The following TTBK2 variants were observed in gnomAD, a reference collection of about 807,000 sequenced individuals.
TTBK2 encodes the protein tau-tubulin kinase 2.
TTBK2 carries 28 observed loss-of-function variants against 110.8 expected under a neutral mutation model. The ratio of observed to expected loss-of-function variants is 0.25; its 90% CI spans 0.19 to 0.35. The LOEUF (loss-of-function observed/expected upper bound fraction) is 0.35, where lower values mean the gene tolerates loss of function less well. TTBK2 is among the 10% of genes least tolerant of loss of function. The pLI is 1.00. For synonymous variants in TTBK2, 532 were observed against 527.3 expected (o/e 1.01, Z -0.12); for missense variants, 1,369 against 1,500.3 (o/e 0.91, Z 1.45).
intron 1 of TTBK2, chr15:42,919,883 C>G (rs2141229810): frequency 1.1e-6 from 1 of 906,472 alleles, no homozygotes; most frequent in African/African-American, 1.8e-5. Context: ...GTCCCTCCCA[C>G]AGCATCCCAG....
At chr15:42,850,407 G>A (rs1399799443) in intron 3 of TTBK2, among the ~76,000 whole-genome samples, 1 of 152,066 alleles carries the variant, frequency 6.6e-6, no homozygotes, top group Non-Finnish European at 1.5e-5. Context: ...TGGTTCAATG[G>A]TACTTTGAAT....
At chr15:42,874,466 AC>A in intron 2 of TTBK2, among the ~76,000 whole-genome samples, 1 of 151,684 alleles carries the variant, frequency 6.6e-6, no homozygotes, top group Admixed American at 6.6e-5. Context: ...ACAGGTGTGC[AC>A]CACCACGCTT....
intron 10 of TTBK2, among the ~76,000 whole-genome samples, chr15:42,786,572 C>T (rs1890423406): frequency 1.3e-5 from 2 of 152,110 alleles, no homozygotes; most frequent in South Asian, 4.1e-4. Flanking sequence ...ACCTCAATTC[C>T]TTTGCATTTC....
In TTBK2 at chr15:42,775,300, C is replaced by T. The variant is rs1889860453; in HGVS notation, c.1833G>A (p.Lys611=). ...GTGCTAAGACCACACCTGAGGTTTC[C>T]TTCTTTAAATGATCATTTTCTGCCC... The part of the protein sequence containing the change: ...GPWAENDHLK[K]ETSGVVLALS... The change falls in exon 13 of 15, where the codon AAG becomes AAA. Residue 611 remains lysine (K), a synonymous_variant. Transcript: ENST00000267890. 2 of 1,614,140 alleles carry T rather than the reference C, an allele frequency of 1.2e-6. No homozygotes were observed. Among genetic ancestry groups the T allele is most frequent in the East Asian group, 2.2e-5 (1 of 44,886 alleles).
intron 8 of TTBK2, 92 bp downstream of exon 8, chr15:42,811,596 C>T: frequency 1.0e-6 from 1 of 975,460 alleles, no homozygotes; most frequent in Non-Finnish European, 1.6e-6. Flanking sequence ...GATTTTAAGT[C>T]TTATACATAA....
chr15:42,770,567 A>C (rs1889625477), intron 13 of TTBK2, among the ~76,000 whole-genome samples: 1 of 152,212 alleles, frequency 6.6e-6, no homozygotes, highest in Non-Finnish European at 1.5e-5. Context: ...CAGTCCATCC[A>C]ATCACTGATC....
chr15:42,845,566 G>A (rs902011162), intron 3 of TTBK2, among the ~76,000 whole-genome samples: 10 of 149,902 alleles, frequency 6.7e-5, no homozygotes, highest in South Asian at 2.1e-4. Context: ...CCTGGGAGGC[G>A]GGGGTTGCAG....
intron 12 of TTBK2, among the ~76,000 whole-genome samples, chr15:42,776,244 T>A (rs1239649377): frequency 6.6e-6 from 1 of 152,208 alleles, no homozygotes; most frequent in Non-Finnish European, 1.5e-5. Flanking sequence ...TCACAGTCCC[T>A]CTAACCTAAT....
chr15:42,818,844 G>C (rs1892158292), intron 6 of TTBK2, among the ~76,000 whole-genome samples: 1 of 143,122 alleles, frequency 7.0e-6, no homozygotes, highest in African/African-American at 2.5e-5. Flanking sequence ...CTGGAGTGCA[G>C]TGGTGCGATC....
chr15:42,867,231 G>C (rs1401567150), intron 3 of TTBK2, among the ~76,000 whole-genome samples: 2 of 148,552 alleles, frequency 1.3e-5, no homozygotes, highest in African/African-American at 5.0e-5. Flanking sequence ...GGGTGACAGA[G>C]GGAGACTCCG....
intron 1 of TTBK2, among the ~76,000 whole-genome samples, chr15:42,896,234 A>G (rs1895662082): frequency 6.6e-6 from 1 of 152,132 alleles, no homozygotes; most frequent in Non-Finnish European, 1.5e-5. Context: ...AGGCTGAGGC[A>G]GGAGAATTGC....
In TTBK2 at chr15:42,752,720, C is replaced by G; in HGVS notation, c.2526G>C (p.Glu842Asp). The G allele has an allele frequency of 2.5e-6, 4 of 1,614,140 alleles. No individual in the cohort carries two copies. In the South Asian group the frequency reaches 4.4e-5, roughly 18 times the overall value. ...SVVPNQDKNNEIMKLLTVGTS... is the reference protein window; with the variant it reads ...SVVPNQDKNNDIMKLLTVGTS... ...TTCCAACTGTCAGAAGCTTCATTATCTCATTATTTTTGTCTTGATTTGGCA... is the reference window on the plus strand; with the variant it reads ...TTCCAACTGTCAGAAGCTTCATTATGTCATTATTTTTGTCTTGATTTGGCA... Residue 842 changes from glutamate to aspartate, a missense_variant, in exon 14 of 15, where the codon GAG (glutamate) becomes GAC (aspartate). This residue lies in a region of TTBK2 where 1,097 missense variants were observed against 1,114.7 expected (regional missense o/e 0.98). Coordinates refer to ENST00000267890, the MANE Select transcript of TTBK2 (RefSeq NM_173500.4).
intron 11 of TTBK2, among the ~76,000 whole-genome samples, chr15:42,779,359 A>C (rs1567019093): frequency 6.6e-6 from 1 of 151,256 alleles, no homozygotes; most frequent in African/African-American, 2.4e-5. Context: ...AAGTGAGCTG[A>C]GATTGCGCCA....
At chr15:42,836,757 A>G (rs1038837506) in intron 4 of TTBK2, among the ~76,000 whole-genome samples, 2 of 152,206 alleles carry the variant, frequency 1.3e-5, no homozygotes, top group Admixed American at 6.5e-5. Flanking sequence ...GCTTTATATA[A>G]TTCTCCAGTC....
intron 3 of TTBK2, among the ~76,000 whole-genome samples, chr15:42,841,258 G>C (rs1239508780): frequency 1.3e-5 from 2 of 152,128 alleles, no homozygotes; most frequent in East Asian, 3.8e-4. Flanking sequence ...CCAGGCTGAA[G>C]TGCAGTGGCA....
intron 14 of TTBK2, among the ~76,000 whole-genome samples, chr15:42,748,922 T>A (rs919522942): frequency 6.6e-6 from 1 of 152,252 alleles, no homozygotes; most frequent in Non-Finnish European, 1.5e-5. Flanking sequence ...TAATTCATTA[T>A]AATCAAGATA....
chr15:42,844,779 C>T (rs1247375280), intron 3 of TTBK2, among the ~76,000 whole-genome samples: 2 of 152,168 alleles, frequency 1.3e-5, no homozygotes, highest in African/African-American at 4.8e-5. Context: ...TTGCTCTTAA[C>T]CATTATGCCC....
In TTBK2 at chr15:42,775,839, A is replaced by C. The variant is rs1354805634; in HGVS notation, c.1410-116T>G. ...AAGATGAGAGAAAAAAAGATGGATAAAGCACAAGGAAAGTTTCACAGCATT... is the reference window on the plus strand; with the variant it reads ...AAGATGAGAGAAAAAAAGATGGATACAGCACAAGGAAAGTTTCACAGCATT... On this transcript the variant is annotated intron_variant, in intron 12 of 14. Transcript: ENST00000267890. 4 of 789,200 alleles carry C rather than the reference A, an allele frequency of 5.1e-6. No individual in the cohort carries two copies. In the East Asian group the frequency reaches 8.3e-5, roughly 16 times the overall value. The allele number at this position is 789,200 out of a possible 1,614,324, so 48.9% of individuals were successfully genotyped here.
At chr15:42,812,493 C>A (rs1041332873) in intron 7 of TTBK2, among the ~76,000 whole-genome samples, 3 of 152,102 alleles carry the variant, frequency 2.0e-5, no homozygotes, top group African/African-American at 7.2e-5. Flanking sequence ...GGTGATCATG[C>A]CCTGCAGGAA....
Sources: allele counts gnomAD v4.1 joint callset (sites outside exome capture counted in the v4.1 genomes callset), GRCh38; gene constraint gnomAD v4.1.1; regional missense constraint gnomAD v4.1.1; transcripts MANE v1.5; gene names NCBI Gene and HGNC (gene_info 2026-07-23, HGNC 2026-07-21).